SHISA9: variants seen among roughly 807,000 people sequenced by gnomAD.
SHISA9 encodes protein shisa-9.
In SHISA9, 13 loss-of-function variants were observed where a neutral mutation model predicts 38.0. The ratio of observed to expected loss-of-function variants is 0.34; its 90% CI spans 0.22 to 0.54. The LOEUF is 0.54. Ranked by LOEUF, SHISA9 falls within the 20% of genes least tolerant of loss-of-function variation. The pLI is 0.91. For synonymous variants in SHISA9, 275 were observed against 242.0 expected, an observed-to-expected ratio of 1.14 and a Z score of -1.27; for missense variants, 538 against 575.8, an observed-to-expected ratio of 0.93 and a Z score of 0.67.
chr16:12,935,815 C>T (rs1345852322), intron 2 of SHISA9, among the ~76,000 whole-genome samples: 8 of 148,432 alleles, frequency 5.4e-5, no homozygotes, highest in African/African-American at 2.0e-4. Flanking sequence ...TGCCACTGTA[C>T]TCCAGCCTGG....
intron 2 of SHISA9, among the ~76,000 whole-genome samples, chr16:13,092,345 C>T (rs1183013344): frequency 6.6e-6 from 1 of 152,228 alleles, no homozygotes; most frequent in Non-Finnish European, 1.5e-5. Flanking sequence ...AGAACCACTG[C>T]TCTCTTCAGA....
At chr16:12,915,850 A>G (rs2071246754) in intron 1 of SHISA9, among the ~76,000 whole-genome samples, 2 of 152,208 alleles carry the variant, frequency 1.3e-5, no homozygotes, top group Non-Finnish European at 2.9e-5. Flanking sequence ...ACAAAAATAT[A>G]TATCTTTCAA....
chr16:13,418,410 C>T, the SHISA9 span, among the ~76,000 whole-genome samples: 1 of 152,220 alleles, frequency 6.6e-6, no homozygotes, highest in East Asian at 1.9e-4. Context: ...GTATATCTGG[C>T]GCCTCCATTC....
At chr16:13,422,015 T>C in the SHISA9 span, among the ~76,000 whole-genome samples, 4 of 152,190 alleles carry the variant, frequency 2.6e-5, no homozygotes, top group African/African-American at 9.7e-5. Flanking sequence ...AAATGGTTGG[T>C]TTTGCAGAAC....
intron 2 of SHISA9, among the ~76,000 whole-genome samples, chr16:12,973,251 TG>T (rs1169000238): frequency 6.6e-6 from 1 of 152,256 alleles, no homozygotes; most frequent in Non-Finnish European, 1.5e-5. Flanking sequence ...GTTTTCCTTT[TG>T]CCCTTCTTTT....
At chr16:13,389,452 C>A in the SHISA9 span, among the ~76,000 whole-genome samples, 6,308 of 152,234 alleles carry the variant, frequency 0.041, 278 homozygotes, top group African/African-American at 0.11. Context: ...AAGTGGAAAG[C>A]AGTTCACTAT....
the SHISA9 span, among the ~76,000 whole-genome samples, chr16:13,508,897 T>A: frequency 6.6e-6 from 1 of 152,214 alleles, no homozygotes; most frequent in Non-Finnish European, 1.5e-5. Context: ...TTGATAATTG[T>A]GGCAATTGTA....
intron 2 of SHISA9, among the ~76,000 whole-genome samples, chr16:13,002,677 T>A (rs1304057525): frequency 1.3e-5 from 2 of 151,660 alleles, no homozygotes; most frequent in African/African-American, 4.8e-5. Flanking sequence ...GGATTACAGA[T>A]GCGCACCACC....
intron 2 of SHISA9, among the ~76,000 whole-genome samples, chr16:13,062,805 A>T (rs2073390885): frequency 6.6e-6 from 1 of 152,080 alleles, no homozygotes; most frequent in Non-Finnish European, 1.5e-5. Flanking sequence ...GTTGCATTTG[A>T]ATACTGTTTA....
chr16:13,374,948 G>C, the SHISA9 span, among the ~76,000 whole-genome samples: 2 of 152,178 alleles, frequency 1.3e-5, no homozygotes, highest in Non-Finnish European at 2.9e-5. Context: ...GTGTCTGTTG[G>C]CTGCATAAAT....
the SHISA9 span, among the ~76,000 whole-genome samples, chr16:13,462,344 A>G: frequency 6.6e-6 from 1 of 152,222 alleles, no homozygotes; most frequent in African/African-American, 2.4e-5. Context: ...GACAAAAGAA[A>G]CAGCATGTAT....
At chr16:13,207,804 C>G (rs1053713146) in intron 3 of SHISA9, among the ~76,000 whole-genome samples, 3 of 152,164 alleles carry the variant, frequency 2.0e-5, no homozygotes, top group Non-Finnish European at 4.4e-5. Context: ...ATAATGTGAT[C>G]ATGGTGTGAA....
chr16:13,513,932 C>G, the SHISA9 span, among the ~76,000 whole-genome samples: 5 of 152,158 alleles, frequency 3.3e-5, no homozygotes, highest in Admixed American at 6.5e-5. Context: ...CACCATGGCA[C>G]ATGTATACCT....
chr16:13,082,153 G>A (rs140953314), intron 2 of SHISA9, among the ~76,000 whole-genome samples: 119 of 152,380 alleles, frequency 7.8e-4, no homozygotes, highest in Middle Eastern at 3.4e-3. Flanking sequence ...TTGAAGCAGT[G>A]TGAGGTATTA....
chr16:13,528,183 A>G, the SHISA9 span, among the ~76,000 whole-genome samples: 1 of 152,292 alleles, frequency 6.6e-6, no homozygotes, highest in South Asian at 2.1e-4. Flanking sequence ...AAGCTTGCCC[A>G]GCAAGATCAT....
chr16:13,363,384 C>A, the SHISA9 span, among the ~76,000 whole-genome samples: 4 of 152,182 alleles, frequency 2.6e-5, no homozygotes, highest in Non-Finnish European at 5.9e-5. Context: ...GCACCTAAGG[C>A]AAACCTGGTA....
chr16:12,923,212 C>A (rs2071349909), intron 2 of SHISA9, among the ~76,000 whole-genome samples: 1 of 152,172 alleles, frequency 6.6e-6, no homozygotes, highest in Admixed American at 6.6e-5. Flanking sequence ...CTGAGGTTTG[C>A]TTCAAACATA....
At chr16:13,416,440 A>G in the SHISA9 span, among the ~76,000 whole-genome samples, 507 of 152,254 alleles carry the variant, frequency 3.3e-3, 3 homozygotes, top group African/African-American at 0.011. Context: ...TTTAACCATC[A>G]TATGTCATTT....
chr16:12,976,995 A>G (rs1437671568), intron 2 of SHISA9, among the ~76,000 whole-genome samples: 1 of 152,204 alleles, frequency 6.6e-6, no homozygotes, highest in East Asian at 1.9e-4. Context: ...CTTGAGAGAC[A>G]TGAAAAAAGA....
Sources: gnomAD v4.1 joint callset for allele counts (sites outside exome capture counted in the v4.1 genomes callset) on GRCh38, gnomAD v4.1.1 for gene constraint, MANE v1.5 for transcripts, NCBI Gene and HGNC (gene_info 2026-07-23, HGNC 2026-07-21) for gene names.